Variants in SETD2 observed in about 807,000 individuals in gnomAD.
The protein encoded by SETD2 is SET domain containing 2, histone lysine methyltransferase, also known as histone-lysine N-methyltransferase SETD2.
Under a neutral mutation model 242.1 loss-of-function variants are expected in SETD2, and 31 were observed. The ratio of observed to expected loss-of-function variants is 0.13; its 90% CI spans 0.10 to 0.17. The LOEUF (loss-of-function observed/expected upper bound fraction) is 0.17, where lower values mean the gene tolerates loss of function less well. Among genes scored for constraint, SETD2 ranks in the 10% least tolerant of loss-of-function variants. The probability of loss-of-function intolerance (pLI) is 1.00; values close to 1 mark genes in which losing one functional copy is unlikely to be tolerated. For missense variants in SETD2, 2,481 were observed against 3,046.3 expected, an observed-to-expected ratio of 0.81 and a Z score of 4.37; for synonymous variants, 1,006 against 1,066.5, an observed-to-expected ratio of 0.94 and a Z score of 1.11.
rs150062594 is a variant in SETD2, at chr3:47,129,799, C to T, written c.72-3136G>A. Among the ~76,000 whole-genome samples the T allele has an allele frequency of 6.2e-3, 941 of 151,662 alleles. 9 individuals are homozygous for T. The highest frequency in any genetic ancestry group is 9.6e-3 in the South Asian group (46 of 4,816). The stretch of plus-strand genomic sequence containing the variant: ...ACTTGGGAGGCTGAGGCAGGAGAAT[C>T]GCTTGAACCGGGAAGCGGAGGTTGC... On this transcript the variant is annotated intron_variant, in intron 1 of 20. Coordinates refer to ENST00000409792, the MANE Select transcript of SETD2 (RefSeq NM_014159.7).
intron 1 of SETD2, among the ~76,000 whole-genome samples, chr3:47,132,594 T>C (rs2106764567): frequency 6.6e-6 from 1 of 152,282 alleles, no homozygotes; most frequent in East Asian, 1.9e-4. Flanking sequence ...AGACAAAGAA[T>C]ATTCCTGTCC....
intron 18 of SETD2, among the ~76,000 whole-genome samples, chr3:47,030,098 G>A (rs537112004): frequency 9.9e-5 from 15 of 151,804 alleles, no homozygotes; most frequent in African/African-American, 3.1e-4. Context: ...GCAGTGAGCC[G>A]AGATCGCACC....
chr3:47,102,715 A>G (rs1185252321), intron 7 of SETD2, among the ~76,000 whole-genome samples: 1 of 148,060 alleles, frequency 6.8e-6, no homozygotes, highest in African/African-American at 2.5e-5. Context: ...AATCGCATGA[A>G]TCCAGGAGGC....
At chr3:47,159,645 T>A (rs1697428183) in intron 1 of SETD2, among the ~76,000 whole-genome samples, 1 of 152,186 alleles carries the variant, frequency 6.6e-6, no homozygotes, top group Non-Finnish European at 1.5e-5. Context: ...TCAAAACTCT[T>A]GGCAAAGTTC....
intron 14 of SETD2, among the ~76,000 whole-genome samples, chr3:47,060,198 G>C (rs2040273003): frequency 6.6e-6 from 1 of 152,126 alleles, no homozygotes; most frequent in African/African-American, 2.4e-5. Context: ...GTAAAGCAAG[G>C]CTGCAGTGAG....
chr3:47,140,902 C>T (rs950199987), intron 1 of SETD2, among the ~76,000 whole-genome samples: 2 of 151,946 alleles, frequency 1.3e-5, no homozygotes, highest in African/African-American at 4.8e-5. Context: ...TTCTAAGTAT[C>T]GAATACGAAG....
intron 5 of SETD2, 53 bp downstream of exon 5, chr3:47,113,823 A>T (rs2042750519): frequency 6.4e-7 from 1 of 1,570,186 alleles, no homozygotes; most frequent in Non-Finnish European, 8.7e-7. Flanking sequence ...TGGGTGAAAG[A>T]GTGAGACCTT....
chr3:47,056,094 T>TTTTATTTATTTA (rs145910690), intron 15 of SETD2, among the ~76,000 whole-genome samples: 13 of 116,420 alleles, frequency 1.1e-4, no homozygotes, highest in East Asian at 5.6e-4. Context: ...AAAACATGAT[T>TTTTATTTATTTA]TTTATTTATT....
At chr3:47,076,163 C>G (rs1005300454) in intron 12 of SETD2, among the ~76,000 whole-genome samples, 1 of 152,092 alleles carries the variant, frequency 6.6e-6, no homozygotes. Context: ...GAAAGACTTT[C>G]CGGGGGGGAA....
At chr3:47,117,279 AAC>A (rs1282282830) in intron 3 of SETD2, among the ~76,000 whole-genome samples, 37 of 84,302 alleles carry the variant, frequency 4.4e-4, no homozygotes, top group African/African-American at 2.0e-3. Flanking sequence ...AAAAAAAAAA[AAC>A]AAACAAAAAA....
Position 47,057,073 on chromosome 3 carries a change from A to G in SETD2, c.6711T>C (p.Ser2237=). 6.2e-7 allele frequency: 1 copy of G among 1,614,254 alleles called. No homozygotes were observed. Among genetic ancestry groups the G allele is most frequent in the South Asian group, 1.1e-5 (1 of 91,092 alleles). The change falls in exon 15 of 21, where the codon AGT becomes AGC. Residue 2237 remains serine, a synonymous_variant. Coordinates refer to ENST00000409792, the MANE Select transcript of SETD2 (RefSeq NM_014159.7). ...CATCACTCTGGGCCACATACTGGGA[A>G]CTGGAAACTTCCACAGGAGCTGCCA... ...PHVAAPVEVS[S]SQYVAQSDGV... is the part of the protein sequence containing the mutation.
At chr3:47,030,870 T>C (rs1017699462) in intron 18 of SETD2, among the ~76,000 whole-genome samples, 3 of 152,174 alleles carry the variant, frequency 2.0e-5, no homozygotes, top group African/African-American at 7.2e-5. Context: ...CTTCAGTAAG[T>C]GAATGATAAA....
chr3:47,164,775 C>G (rs1433278044), upstream of SETD2, among the ~76,000 whole-genome samples: 1 of 152,252 alleles, frequency 6.6e-6, no homozygotes, highest in South Asian at 2.1e-4. This position sits in a 1 kb window ranked among gnomAD's most constrained non-coding sequence, Gnocchi z 5.4. Context: ...CGCCTTCCTT[C>G]CCGCTGTGCC....
intron 1 of SETD2, among the ~76,000 whole-genome samples, chr3:47,137,836 G>C (rs189142959): frequency 6.6e-6 from 1 of 151,196 alleles, no homozygotes; most frequent in African/African-American, 2.4e-5. Context: ...ACAGGCACCC[G>C]CCACCACACC....
chr3:47,119,296 T>C (rs2042980308), intron 3 of SETD2, among the ~76,000 whole-genome samples: 1 of 152,194 alleles, frequency 6.6e-6, no homozygotes, highest in African/African-American at 2.4e-5. Context: ...CTTATTCTCA[T>C]TATAATTTGT....
chr3:47,079,577 C>A (rs1192583785), intron 12 of SETD2, among the ~76,000 whole-genome samples: 1 of 152,166 alleles, frequency 6.6e-6, no homozygotes, highest in African/African-American at 2.4e-5. Context: ...AGATTCTGCA[C>A]TTTATCTTTT....
At chr3:47,144,164 C>T (rs2043799466) in intron 1 of SETD2, among the ~76,000 whole-genome samples, 3 of 152,132 alleles carry the variant, frequency 2.0e-5, no homozygotes, top group Admixed American at 1.3e-4. Flanking sequence ...TCCAAGCTGA[C>T]AAAGTAAATG....
intron 14 of SETD2, among the ~76,000 whole-genome samples, chr3:47,058,799 A>ATT (rs764994848): frequency 6.9e-6 from 1 of 145,080 alleles, no homozygotes; most frequent in Admixed American, 6.9e-5. Flanking sequence ...GCACAGGGGA[A>ATT]TTTTTTTTTT....
intron 13 of SETD2, chr3:47,064,552 T>C (rs2040478175): frequency 6.9e-6 from 2 of 289,576 alleles, no homozygotes; most frequent in Non-Finnish European, 1.5e-5. Context: ...AAAGGAATCA[T>C]ACCAACAGTT....
Sources: allele counts gnomAD v4.1 joint callset (sites outside exome capture counted in the v4.1 genomes callset), GRCh38; gene constraint gnomAD v4.1.1; non-coding constraint Gnocchi (gnomAD v3.1); transcripts MANE v1.5; gene names NCBI Gene and HGNC (gene_info 2026-07-23, HGNC 2026-07-21).